PCDHGB1: variants seen among roughly 807,000 people sequenced by gnomAD.
PCDHGB1 encodes the protein protocadherin gamma-B1.
Under a neutral mutation model 56.6 loss-of-function variants are expected in PCDHGB1, and 34 were observed. That is an observed-to-expected ratio of 0.60 (90% CI 0.46 to 0.80). The LOEUF (loss-of-function observed/expected upper bound fraction) is 0.80, where lower values mean the gene tolerates loss of function less well. Ranked by LOEUF, PCDHGB1 falls within the 30% of genes least tolerant of loss-of-function variation. The pLI is 0.00. For missense variants in PCDHGB1, 1,278 were observed against 1,204.6 expected, an observed-to-expected ratio of 1.06 and a Z score of -0.90; for synonymous variants, 561 against 505.9, an observed-to-expected ratio of 1.11 and a Z score of -1.46.
chr5:141,460,921 T>C (rs984603258), intron 1 of PCDHGB1, among the ~76,000 whole-genome samples: 4 of 151,276 alleles, frequency 2.6e-5, no homozygotes, highest in African/African-American at 9.7e-5. Flanking sequence ...TGTATATATA[T>C]ATATGTGTGT....
At position 141,490,819 on chromosome 5, in the gene PCDHGB1, C is replaced by T; in HGVS notation, c.2410-3988C>T. Reference sequence around the variant, plus strand: ...CCAGCGTACCTTTGACTATGAATTGCTGCAGATGCTGCAGATTGTGGTGGG... The same window carrying T: ...CCAGCGTACCTTTGACTATGAATTGTTGCAGATGCTGCAGATTGTGGTGGG... On this transcript the variant is annotated intron_variant, in intron 1 of 3. Transcript: ENST00000523390. This position sits in a 1 kb window ranked among gnomAD's most constrained non-coding sequence, Gnocchi z 5.4. 2 of 1,613,842 alleles carry T rather than the reference C, an allele frequency of 1.2e-6. No individual in the cohort carries two copies. Among genetic ancestry groups the T allele is most frequent in the Non-Finnish European group, 8.5e-7 (1 of 1,179,804 alleles).
At chr5:141,397,642 T>A (rs1015821056) in intron 1 of PCDHGB1, among the ~76,000 whole-genome samples, 1 of 152,236 alleles carries the variant, frequency 6.6e-6, no homozygotes, top group African/African-American at 2.4e-5. Context: ...GTTCAAGGTA[T>A]GTTTGCAGAA....
chr5:141,396,112 A>G (rs916569843), intron 1 of PCDHGB1: 4 of 152,232 alleles, frequency 2.6e-5, no homozygotes, highest in Non-Finnish European at 2.9e-5. Flanking sequence ...TTAAGAACCA[A>G]TGTTTCAGGT....
chr5:141,374,773 A>T (rs192855761), intron 1 of PCDHGB1: 9 of 1,613,812 alleles, frequency 5.6e-6, no homozygotes, highest in Middle Eastern at 1.6e-4. Context: ...AAATTCTGGT[A>T]ACAGTTCTAG....
At chr5:141,484,009 TG>T (rs2099590446) in intron 1 of PCDHGB1, among the ~76,000 whole-genome samples, 1 of 14,098 alleles carries the variant, frequency 7.1e-5, no homozygotes, top group Admixed American at 8.3e-4. Context: ...TGGATGAGGG[TG>T]GGGGTGGGGT....
intron 1 of PCDHGB1, among the ~76,000 whole-genome samples, chr5:141,444,885 T>C (rs547403761): frequency 6.6e-6 from 1 of 152,320 alleles, no homozygotes; most frequent in African/African-American, 2.4e-5. Flanking sequence ...TGTAGGATTT[T>C]TGAATGGGAT....
rs143737031 is a variant in PCDHGB1 at position 141,454,359 on chromosome 5, G to C, written c.2410-40448G>C. Among the ~76,000 whole-genome samples, 105 of 152,200 alleles carry C rather than the reference G, an allele frequency of 6.9e-4. No individual in the cohort carries two copies. In the East Asian group the frequency reaches 0.014, roughly 20 times the overall value. ...AATGTTGGAAGTTGATCCAAACTTA[G>C]AAAGGAGTATGGCAACTTGTCAAGA... On this transcript the variant is annotated intron_variant, in intron 1 of 3. Coordinates refer to ENST00000523390, the MANE Select transcript of PCDHGB1 (RefSeq NM_018922.3).
chr5:141,410,415 T>C (rs1589759810), intron 1 of PCDHGB1: 1 of 1,614,066 alleles, frequency 6.2e-7, no homozygotes. Flanking sequence ...TCTGGACCTG[T>C]AGTTCCCCCC....
chr5:141,415,149 C>T, intron 1 of PCDHGB1: 1 of 1,613,796 alleles, frequency 6.2e-7, no homozygotes, highest in Middle Eastern at 1.6e-4. Context: ...AGCCCCCTCT[C>T]TCCGCCACTG....
intron 1 of PCDHGB1, chr5:141,388,796 A>G: frequency 6.2e-7 from 1 of 1,613,952 alleles, no homozygotes; most frequent in Non-Finnish European, 8.5e-7. Flanking sequence ...TTTTAAATAC[A>G]TTAGATTTTG....
At chr5:141,494,733 C>G in intron 1 of PCDHGB1, 74 bp from the exon 2 acceptor site, 1 of 1,610,826 alleles carries the variant, frequency 6.2e-7, no homozygotes, top group South Asian at 1.1e-5. Flanking sequence ...CTCTCCCGGC[C>G]CATCCCTAGG....
intron 1 of PCDHGB1, chr5:141,420,085 C>T: frequency 1.2e-6 from 2 of 1,614,028 alleles, no homozygotes; most frequent in Middle Eastern, 1.6e-4. Context: ...GTCCCCCCAA[C>T]TACAGTGAGG....
intron 1 of PCDHGB1, chr5:141,394,860 G>C (rs750446579): frequency 5.0e-6 from 8 of 1,613,674 alleles, no homozygotes; most frequent in Non-Finnish European, 5.9e-6. Flanking sequence ...GCCTTCGGTC[G>C]ACCCGAACGA....
intron 1 of PCDHGB1, chr5:141,408,050 G>A: frequency 1.6e-6 from 2 of 1,259,544 alleles, no homozygotes; most frequent in Middle Eastern, 2.8e-4. Flanking sequence ...CCCACACAGA[G>A]CCTCCCGGCT....
At chr5:141,374,608 T>A in intron 1 of PCDHGB1, 1 of 1,613,602 alleles carries the variant, frequency 6.2e-7, no homozygotes, top group South Asian at 1.1e-5. Context: ...TCAGTGGTAA[T>A]AGTCACTTCT....
intron 1 of PCDHGB1, chr5:141,390,345 A>G: frequency 6.3e-7 from 1 of 1,576,504 alleles, no homozygotes; most frequent in Non-Finnish European, 8.7e-7. Context: ...TTCACAAGAA[A>G]ATATACATAT....
At chr5:141,423,619 T>C (rs1389600826) in intron 1 of PCDHGB1, 1 of 1,608,090 alleles carries the variant, frequency 6.2e-7, no homozygotes. Context: ...AGCTGAAGAC[T>C]CAGCTATCAT....
intron 1 of PCDHGB1, chr5:141,399,671 C>T (rs764084700): frequency 1.2e-6 from 2 of 1,613,512 alleles, no homozygotes; most frequent in East Asian, 4.5e-5. Flanking sequence ...GCGCAGCGCG[C>T]CTTTGACTAC....
intron 1 of PCDHGB1, chr5:141,403,680 C>A: frequency 6.2e-7 from 1 of 1,613,846 alleles, no homozygotes; most frequent in Non-Finnish European, 8.5e-7. Context: ...CCGGTTTTTG[C>A]TCAACGGATT....
Sources: gnomAD v4.1 joint callset for allele counts (sites outside exome capture counted in the v4.1 genomes callset) on GRCh38, gnomAD v4.1.1 for gene constraint, Gnocchi (gnomAD v3.1) non-coding constraint, MANE v1.5 for transcripts, NCBI Gene and HGNC (gene_info 2026-07-23, HGNC 2026-07-21) for gene names.